Variants in WDR70 observed in about 807,000 individuals in gnomAD.
WDR70 encodes the protein WD repeat domain 70.
Under a neutral mutation model 88.6 loss-of-function variants are expected in WDR70, and 53 were observed. The ratio of observed to expected loss-of-function variants is 0.60; its 90% CI spans 0.48 to 0.75. The LOEUF is 0.75. Ranked by LOEUF, WDR70 falls within the 30% of genes least tolerant of loss-of-function variation. The pLI is 0.00. For missense variants in WDR70, 610 were observed against 823.2 expected (o/e 0.74, Z 3.17); for synonymous variants, 280 against 270.0 (o/e 1.04, Z -0.36).
intron 10 of WDR70, among the ~76,000 whole-genome samples, chr5:37,638,735 TTGGTA>T (rs1268018447): frequency 6.6e-6 from 1 of 152,204 alleles, no homozygotes; most frequent in African/African-American, 2.4e-5. Context: ...ATTTTGTTAA[TTGGTA>T]TATTACTGAA....
chr5:37,703,680 T>C (rs929037329), intron 13 of WDR70, among the ~76,000 whole-genome samples: 1 of 152,252 alleles, frequency 6.6e-6, no homozygotes, highest in Non-Finnish European at 1.5e-5. Context: ...GATGCATTCA[T>C]TCATTTGTTC....
chr5:37,719,662 G>A (rs1581525192), intron 13 of WDR70, among the ~76,000 whole-genome samples: 1 of 152,138 alleles, frequency 6.6e-6, no homozygotes, highest in South Asian at 2.1e-4. Flanking sequence ...GAGTAAGTCT[G>A]TTAAATCAGA....
At chr5:37,599,955 A>G (rs1397288354) in intron 9 of WDR70, among the ~76,000 whole-genome samples, 1 of 152,146 alleles carries the variant, frequency 6.6e-6, no homozygotes, top group African/African-American at 2.4e-5. Context: ...ATTAACTCAA[A>G]ATAAGTCATA....
At chr5:37,718,624 CTGCTACAT>C (rs1178016823) in intron 13 of WDR70, among the ~76,000 whole-genome samples, 1 of 152,124 alleles carries the variant, frequency 6.6e-6, no homozygotes. Flanking sequence ...GAATCTAACC[CTGCTACAT>C]TTGTAGGATA....
At chr5:37,593,384 G>C (rs1234075802) in intron 9 of WDR70, among the ~76,000 whole-genome samples, 1 of 151,980 alleles carries the variant, frequency 6.6e-6, no homozygotes, top group Admixed American at 6.6e-5. Context: ...CCACCTATGA[G>C]TGAGAACATG....
At chr5:37,386,461 G>A (rs1221666305) in intron 3 of WDR70, among the ~76,000 whole-genome samples, 1 of 151,996 alleles carries the variant, frequency 6.6e-6, no homozygotes, top group African/African-American at 2.4e-5. Flanking sequence ...CCAGTAGCTG[G>A]GATTATAGGC....
intron 10 of WDR70, among the ~76,000 whole-genome samples, chr5:37,657,423 C>G (rs778401212): frequency 6.6e-6 from 1 of 152,166 alleles, no homozygotes; most frequent in Admixed American, 6.5e-5. Flanking sequence ...CAGACCTGAG[C>G]TATTCCTATT....
At chr5:37,403,216 G>A (rs1749255346) in intron 5 of WDR70, among the ~76,000 whole-genome samples, 1 of 152,020 alleles carries the variant, frequency 6.6e-6, no homozygotes. Context: ...CCAAAGTGCT[G>A]GGATTACAGG....
intron 4 of WDR70, among the ~76,000 whole-genome samples, chr5:37,393,665 G>A (rs914985120): frequency 6.6e-6 from 1 of 152,006 alleles, no homozygotes; most frequent in Non-Finnish European, 1.5e-5. Context: ...CAATTTCCAA[G>A]GTTCCTCTTG....
chr5:37,437,150 T>C (rs1415604803), intron 5 of WDR70, among the ~76,000 whole-genome samples: 3 of 152,170 alleles, frequency 2.0e-5, no homozygotes, highest in Admixed American at 6.6e-5. Flanking sequence ...GTGGGAGGGA[T>C]GAGAAGAGAC....
At chr5:37,748,616 G>A (rs997785396) in intron 17 of WDR70, among the ~76,000 whole-genome samples, 3 of 152,116 alleles carry the variant, frequency 2.0e-5, no homozygotes, top group Non-Finnish European at 2.9e-5. Context: ...TTGACAAATG[G>A]GATCTAATTA....
intron 10 of WDR70, among the ~76,000 whole-genome samples, chr5:37,640,144 T>C (rs1339972455): frequency 6.6e-6 from 1 of 152,170 alleles, no homozygotes; most frequent in Non-Finnish European, 1.5e-5. Flanking sequence ...CTCTGAAGTC[T>C]ATATTTTAAA....
chr5:37,423,362 T>TAAA (rs542245071), intron 5 of WDR70, among the ~76,000 whole-genome samples: 2 of 125,984 alleles, frequency 1.6e-5, no homozygotes, highest in African/African-American at 5.7e-5. Flanking sequence ...ACAAAAACAT[T>TAAA]AAAAAAAAAA....
intron 10 of WDR70, among the ~76,000 whole-genome samples, chr5:37,611,757 C>T (rs1203050828): frequency 1.4e-5 from 2 of 144,078 alleles, no homozygotes; most frequent in Non-Finnish European, 1.5e-5. Flanking sequence ...CAAAATTTTC[C>T]TTTGAGATTA....
At chr5:37,483,755 C>T (rs182338309) in intron 8 of WDR70, among the ~76,000 whole-genome samples, 2,470 of 148,262 alleles carry the variant, frequency 0.017, 71 homozygotes, top group African/African-American at 0.059. Context: ...CCGGACGGGG[C>T]GGCTGGCCGG....
Position 37,567,173 on chromosome 5 carries a change from T to C in WDR70, c.918-37891T>C, listed in dbSNP as rs781483016. Among the ~76,000 whole-genome samples the C allele has an allele frequency of 8.5e-5, 13 of 152,192 alleles. 1 individual carries two copies. The highest frequency in any genetic ancestry group is 1.5e-4 in the Non-Finnish European group (10 of 68,030). On this transcript the variant is annotated intron_variant, in intron 9 of 17. Transcript: ENST00000265107. The stretch of plus-strand genomic sequence containing the variant: ...ATATTGATAAAAGATACCTGGAGTC[T>C]GGATCAACTGGGCTCATGGAAAATG...
chr5:37,565,933 T>G (rs1742727417), intron 9 of WDR70, among the ~76,000 whole-genome samples: 1 of 152,148 alleles, frequency 6.6e-6, no homozygotes. Flanking sequence ...AGAAAAATAT[T>G]AGTATTACTT....
chr5:37,416,948 CA>C (rs1749774652), intron 5 of WDR70, among the ~76,000 whole-genome samples: 2 of 152,330 alleles, frequency 1.3e-5, no homozygotes, highest in South Asian at 2.1e-4. Context: ...ACAATTATGT[CA>C]AAAGTGTGCA....
chr5:37,639,506 A>G (rs985466823), intron 10 of WDR70, among the ~76,000 whole-genome samples: 2 of 152,096 alleles, frequency 1.3e-5, no homozygotes, highest in African/African-American at 4.8e-5. Context: ...GAATGTTTTT[A>G]TATCTTAATT....
Sources: gnomAD v4.1 joint callset for allele counts (sites outside exome capture counted in the v4.1 genomes callset) on GRCh38, gnomAD v4.1.1 for gene constraint, MANE v1.5 for transcripts, NCBI Gene and HGNC (gene_info 2026-07-23, HGNC 2026-07-21) for gene names.